The following GALNT7 variants were observed in gnomAD, a reference collection of about 807,000 sequenced individuals.
GALNT7 encodes polypeptide N-acetylgalactosaminyltransferase 7.
GALNT7 carries 60 observed loss-of-function variants against 82.1 expected under a neutral mutation model. That is an observed-to-expected ratio of 0.73 (90% CI 0.59 to 0.91). The LOEUF (loss-of-function observed/expected upper bound fraction) is 0.91, where lower values mean the gene tolerates loss of function less well. GALNT7 is among the 40% of genes least tolerant of loss of function. GALNT7 has a pLI of 0.00. For missense variants in GALNT7, 660 were observed against 804.2 expected, an observed-to-expected ratio of 0.82 and a Z score of 2.17; for synonymous variants, 243 against 275.1, an observed-to-expected ratio of 0.88 and a Z score of 1.15.
intron 2 of GALNT7, among the ~76,000 whole-genome samples, chr4:173,249,779 T>C (rs980673897): frequency 6.6e-6 from 1 of 152,236 alleles, no homozygotes; most frequent in African/African-American, 2.4e-5. Flanking sequence ...TTCTGTGTTT[T>C]ATCTGGCAGT....
intron 1 of GALNT7, among the ~76,000 whole-genome samples, chr4:173,236,856 T>C (rs1435399862): frequency 6.6e-6 from 1 of 152,186 alleles, no homozygotes; most frequent in Non-Finnish European, 1.5e-5. Context: ...AGACCTGTAA[T>C]AAATATTCGG....
intron 8 of GALNT7, 24 bp from the exon 9 acceptor site, chr4:173,313,934 T>C (rs759397827): frequency 1.3e-5 from 14 of 1,053,182 alleles, no homozygotes; most frequent in Non-Finnish European, 2.0e-5. Flanking sequence ...TAACGATATA[T>C]ATATATATAT....
chr4:173,187,970 T>C (rs1273498444), intron 1 of GALNT7, among the ~76,000 whole-genome samples: 2 of 152,210 alleles, frequency 1.3e-5, no homozygotes, highest in Non-Finnish European at 2.9e-5. Context: ...CTTATTTCAC[T>C]CTGAGGTGAT....
chr4:173,253,986 A>G (rs1734937797), intron 2 of GALNT7, among the ~76,000 whole-genome samples: 1 of 152,180 alleles, frequency 6.6e-6, no homozygotes, highest in Non-Finnish European at 1.5e-5. Flanking sequence ...AGGTATTCTG[A>G]TTCAAACAAA....
In GALNT7 at chr4:173,168,911, T is replaced by C. The variant is rs1731731975; in HGVS notation, c.76T>C (p.Ser26Pro). Residue 26 changes from serine (S) to proline (P), a missense_variant, in exon 1 of 12, where the codon TCT becomes CCT. Physicochemically the swap from Ser to Pro is moderately conservative, Grantham distance 74 (BLOSUM62 -1). This residue lies in a region of GALNT7 where 133 missense variants were observed against 120.7 expected (regional missense o/e 1.10). Coordinates refer to ENST00000265000, the MANE Select transcript of GALNT7 (RefSeq NM_017423.3). ...GSFLGLVVLW[S>P]SLTPRPDDPS... ...CTTCCTGGGGCTAGTGGTCCTCTGGTCTTCCCTGACCCCGCGGCCGGACGA... is the reference window on the plus strand; with the variant it reads ...CTTCCTGGGGCTAGTGGTCCTCTGGCCTTCCCTGACCCCGCGGCCGGACGA... 6.2e-7 allele frequency: 1 copy of C among 1,613,686 alleles called. No individual in the cohort carries two copies. Among genetic ancestry groups the C allele is most frequent in the East Asian group, 2.2e-5 (1 of 44,830 alleles).
chr4:173,212,493 GA>G (rs1042618079), intron 1 of GALNT7, among the ~76,000 whole-genome samples: 2 of 152,140 alleles, frequency 1.3e-5, no homozygotes, highest in Admixed American at 1.3e-4. Flanking sequence ...CTTCAGTTTA[GA>G]TTATCTAGAC....
chr4:173,272,641 C>A (rs957039704), intron 2 of GALNT7, among the ~76,000 whole-genome samples: 1 of 152,112 alleles, frequency 6.6e-6, no homozygotes, highest in African/African-American at 2.4e-5. Flanking sequence ...CAATTGATTC[C>A]GGAAATGAGG....
At chr4:173,186,587 T>C (rs1348204401) in intron 1 of GALNT7, among the ~76,000 whole-genome samples, 1 of 152,228 alleles carries the variant, frequency 6.6e-6, no homozygotes, top group African/African-American at 2.4e-5. Context: ...TGTACATAGT[T>C]TCAAGAGTGC....
intron 1 of GALNT7, among the ~76,000 whole-genome samples, chr4:173,200,128 T>G (rs759437151): frequency 1.3e-5 from 2 of 152,230 alleles, no homozygotes; most frequent in African/African-American, 2.4e-5. Flanking sequence ...AAAATTCTAT[T>G]TGTGCATGGA....
chr4:173,206,423 G>T (rs1000759976), intron 1 of GALNT7, among the ~76,000 whole-genome samples: 2 of 152,164 alleles, frequency 1.3e-5, no homozygotes, highest in Non-Finnish European at 2.9e-5. Flanking sequence ...CTTGGGTGGG[G>T]GTGATGTGTA....
intron 1 of GALNT7, among the ~76,000 whole-genome samples, chr4:173,180,787 G>A (rs888680998): frequency 6.6e-6 from 1 of 152,160 alleles, no homozygotes; most frequent in Non-Finnish European, 1.5e-5. Context: ...CCCTTCTCCT[G>A]GTAGTTTTCT....
intron 1 of GALNT7, among the ~76,000 whole-genome samples, chr4:173,214,566 A>C (rs1733382260): frequency 6.6e-6 from 1 of 152,186 alleles, no homozygotes. Flanking sequence ...GAAATCTTCA[A>C]AGAGAAAAGA....
intron 2 of GALNT7, among the ~76,000 whole-genome samples, chr4:173,274,586 T>C (rs897132392): frequency 2.6e-5 from 4 of 152,314 alleles, no homozygotes; most frequent in African/African-American, 9.6e-5. Context: ...TCAGTTTCTT[T>C]ATATATAAAA....
rs1423405797 is a variant in GALNT7 at position 173,205,427 on chromosome 4, T to C, written c.126+36466T>C. Among the ~76,000 whole-genome samples the C allele has an allele frequency of 2.0e-5, 3 of 152,298 alleles. No homozygotes were observed. The East Asian group carries it at 5.8e-4, about 29-fold the overall frequency. On this transcript the variant is annotated intron_variant, in intron 1 of 11. Coordinates refer to ENST00000265000, the MANE Select transcript of GALNT7 (RefSeq NM_017423.3). Reference sequence around the variant, plus strand: ...AGCTTGTCAGCAGGGTCTGCTGGGCTGGGCCTGGACCCTGGGTCTGCTGGA... The same window carrying C: ...AGCTTGTCAGCAGGGTCTGCTGGGCCGGGCCTGGACCCTGGGTCTGCTGGA...
At chr4:173,172,512 A>G (rs897183677) in intron 1 of GALNT7, among the ~76,000 whole-genome samples, 2 of 152,094 alleles carry the variant, frequency 1.3e-5, no homozygotes, top group Admixed American at 1.3e-4. Context: ...CTGCCTTTCC[A>G]TGGTGTTGGC....
chr4:173,252,822 G>T (rs1323699441), intron 2 of GALNT7, among the ~76,000 whole-genome samples: 1 of 152,200 alleles, frequency 6.6e-6, no homozygotes, highest in East Asian at 1.9e-4. Flanking sequence ...ATGCCATAAT[G>T]TAAGGCAGAA....
In GALNT7 at chr4:173,295,490, A is replaced by G; in HGVS notation, c.849A>G (p.Ala283=). Residue 283 remains alanine (A), a synonymous_variant, in exon 4 of 12, where the codon GCA becomes GCG. Transcript: ENST00000265000. The part of the protein sequence containing the change: ...RNERREGLIQ[A]RSIGAQKAKL... The stretch of plus-strand genomic sequence containing the variant: ...AAAGAAGGGAAGGTTTAATTCAAGC[A>G]CGAAGTATTGGTGCTCAGAAGGCTA... The G allele has an allele frequency of 6.2e-7, 1 of 1,613,548 alleles. No individual in the cohort carries two copies. The highest frequency in any genetic ancestry group is 8.5e-7 in the Non-Finnish European group (1 of 1,179,522).
intron 1 of GALNT7, among the ~76,000 whole-genome samples, chr4:173,198,270 G>A (rs924971852): frequency 1.0e-4 from 15 of 145,148 alleles, no homozygotes; most frequent in Admixed American, 7.1e-5. Context: ...GAGTTTCACC[G>A]TGTTAGCCAG....
intron 2 of GALNT7, among the ~76,000 whole-genome samples, chr4:173,281,856 G>A (rs553218835): frequency 1.3e-5 from 2 of 152,272 alleles, no homozygotes. Context: ...AGAATGTGGA[G>A]CCATGTGGAC....
Sources: gnomAD v4.1 joint callset for allele counts (sites outside exome capture counted in the v4.1 genomes callset) on GRCh38, gnomAD v4.1.1 for gene constraint, gnomAD v4.1.1 regional missense constraint, MANE v1.5 for transcripts, NCBI Gene and HGNC (gene_info 2026-07-23, HGNC 2026-07-21) for gene names.